Variants in CREB5 observed in about 807,000 individuals in gnomAD.
CREB5 encodes cAMP responsive element binding protein 5, also known as cyclic AMP-responsive element-binding protein 5.
CREB5 carries 19 observed loss-of-function variants against 57.1 expected under a neutral mutation model. The ratio of observed to expected loss-of-function variants is 0.33; its 90% CI spans 0.23 to 0.49. The LOEUF is 0.49. Ranked by LOEUF, CREB5 falls within the 20% of genes least tolerant of loss-of-function variation. CREB5 has a pLI of 0.99. For missense variants in CREB5, 579 were observed against 671.6 expected (o/e 0.86, Z 1.52); for synonymous variants, 238 against 238.3 (o/e 1.00, Z 0.01).
At chr7:28,468,004 A>C (rs1162931095) in intron 1 of CREB5, among the ~76,000 whole-genome samples, 1 of 152,218 alleles carries the variant, frequency 6.6e-6, no homozygotes, top group Non-Finnish European at 1.5e-5. Flanking sequence ...TCAGAACTTC[A>C]GAAGTCGTGG....
chr7:28,488,906 G>A (rs1398071830), intron 2 of CREB5, among the ~76,000 whole-genome samples: 1 of 152,172 alleles, frequency 6.6e-6, no homozygotes, highest in African/African-American at 2.4e-5. Context: ...GTCCACTGTT[G>A]TTACTACTAT....
chr7:28,616,743 A>C (rs1429648107), intron 5 of CREB5, among the ~76,000 whole-genome samples: 1 of 152,144 alleles, frequency 6.6e-6, no homozygotes, highest in Admixed American at 6.5e-5. Context: ...TTTATTACTA[A>C]GGTATCTTTC....
At chr7:28,327,243 T>A (rs1785626557) in intron 1 of CREB5, among the ~76,000 whole-genome samples, 1 of 152,098 alleles carries the variant, frequency 6.6e-6, no homozygotes, top group Admixed American at 6.6e-5. Flanking sequence ...TGAGAAATGC[T>A]TATTTATCTC....
At chr7:28,502,367 T>C (rs1434823801) in intron 3 of CREB5, among the ~76,000 whole-genome samples, 3 of 151,420 alleles carry the variant, frequency 2.0e-5, no homozygotes, top group Non-Finnish European at 4.4e-5. Context: ...TGCTGAAATA[T>C]TTATGAGATA....
chr7:28,681,655 G>T (rs1800600038), intron 5 of CREB5, among the ~76,000 whole-genome samples: 1 of 152,204 alleles, frequency 6.6e-6, no homozygotes, highest in South Asian at 2.1e-4. Context: ...AGCATGAAGA[G>T]ATCCTCTCCA....
chr7:28,727,999 G>A (rs181721538), intron 7 of CREB5, among the ~76,000 whole-genome samples: 4 of 152,138 alleles, frequency 2.6e-5, no homozygotes, highest in Admixed American at 1.3e-4. Flanking sequence ...TGGTTGGAGT[G>A]CAGTGGCATG....
At chr7:28,721,865 A>G (rs953091423) in intron 6 of CREB5, among the ~76,000 whole-genome samples, 5 of 152,254 alleles carry the variant, frequency 3.3e-5, no homozygotes, top group African/African-American at 1.2e-4. Flanking sequence ...TCACTGAACT[A>G]CAGACAGGCT....
At position 28,524,343 on chromosome 7, in the gene CREB5, A is replaced by T. The variant is rs930743843; in HGVS notation, c.291+16606A>T. On this transcript the variant is annotated intron_variant, in intron 4 of 10. Transcript: ENST00000357727. ...CACACACACACACACACACACACAC[A>T]CACACACACACACACACGGCAGATG... 4.0e-5 allele frequency among the ~76,000 whole-genome samples: 6 copies of T among 151,508 alleles called. No homozygotes were observed. In the South Asian group the frequency reaches 1.3e-3, roughly 32 times the overall value.
intron 1 of CREB5, among the ~76,000 whole-genome samples, chr7:28,356,728 C>T (rs539021775): frequency 6.6e-6 from 1 of 152,280 alleles, no homozygotes; most frequent in East Asian, 1.9e-4. Flanking sequence ...TGGTGTGTGG[C>T]TTTGCTACAC....
At chr7:28,518,506 A>AT in intron 4 of CREB5, among the ~76,000 whole-genome samples, 1 of 152,212 alleles carries the variant, frequency 6.6e-6, no homozygotes, top group Admixed American at 6.5e-5. Context: ...TTATTGCTGA[A>AT]TTTGTTGGCA....
At chr7:28,697,932 TA>T (rs2128735145) in intron 5 of CREB5, among the ~76,000 whole-genome samples, 1 of 152,362 alleles carries the variant, frequency 6.6e-6, no homozygotes, top group African/African-American at 2.4e-5. Flanking sequence ...CTACAGCTGG[TA>T]AAATACAATT....
chr7:28,530,725 G>T (rs1378858844), intron 4 of CREB5, among the ~76,000 whole-genome samples: 1 of 152,160 alleles, frequency 6.6e-6, no homozygotes, highest in African/African-American at 2.4e-5. Context: ...GACCACAGTT[G>T]TGATGGCCCA....
chr7:28,346,018 A>AG (rs1344176365), intron 1 of CREB5, among the ~76,000 whole-genome samples: 2 of 152,120 alleles, frequency 1.3e-5, no homozygotes, highest in South Asian at 2.1e-4. Flanking sequence ...CATTATCCGA[A>AG]GGGGGGCACC....
At chr7:28,459,867 C>A (rs1456258572) in intron 1 of CREB5, among the ~76,000 whole-genome samples, 1 of 152,172 alleles carries the variant, frequency 6.6e-6, no homozygotes, top group Non-Finnish European at 1.5e-5. Flanking sequence ...CTTGTTTAAT[C>A]CTTACCACAG....
chr7:28,749,574 T>C (rs988603805), intron 7 of CREB5: 5 of 152,346 alleles, frequency 3.3e-5, no homozygotes, highest in African/African-American at 7.2e-5. Flanking sequence ...TGTGAAGCAG[T>C]TGTATATTGG....
At chr7:28,300,711 G>C (rs1785085950) in intron 1 of CREB5, among the ~76,000 whole-genome samples, 1 of 152,224 alleles carries the variant, frequency 6.6e-6, no homozygotes, top group African/African-American at 2.4e-5. Context: ...ATTTCACACG[G>C]AGTTAGGGAA....
chr7:28,652,840 T>C (rs1343345134), intron 5 of CREB5, among the ~76,000 whole-genome samples: 1 of 152,206 alleles, frequency 6.6e-6, no homozygotes, highest in East Asian at 1.9e-4. Flanking sequence ...TAGGCTGTCT[T>C]TTAAGTACAA....
At chr7:28,684,023 A>T (rs890682378) in intron 5 of CREB5, among the ~76,000 whole-genome samples, 2 of 152,212 alleles carry the variant, frequency 1.3e-5, no homozygotes, top group African/African-American at 4.8e-5. Context: ...AGGGAAGGGA[A>T]AGTGAAAGTC....
chr7:28,484,639 G>C (rs912630339), intron 1 of CREB5, among the ~76,000 whole-genome samples: 2 of 152,096 alleles, frequency 1.3e-5, no homozygotes, highest in African/African-American at 4.8e-5. Context: ...AACATATTTG[G>C]TCCATGGGAT....
Sources: gnomAD v4.1 joint callset for allele counts (sites outside exome capture counted in the v4.1 genomes callset) on GRCh38, gnomAD v4.1.1 for gene constraint, MANE v1.5 for transcripts, NCBI Gene and HGNC (gene_info 2026-07-23, HGNC 2026-07-21) for gene names.